The following SMG6 variants were observed in gnomAD, a reference collection of about 807,000 sequenced individuals.
SMG6 encodes the protein telomerase-binding protein EST1A.
SMG6 carries 66 observed loss-of-function variants against 142.2 expected under a neutral mutation model. The observed-to-expected ratio is 0.46, with a 90% CI of 0.38 to 0.57. The LOEUF (loss-of-function observed/expected upper bound fraction) is 0.57, where lower values mean the gene tolerates loss of function less well. Ranked by LOEUF, SMG6 falls within the 20% of genes least tolerant of loss-of-function variation. SMG6 has a pLI of 0.00. For synonymous variants in SMG6, 779 were observed against 702.4 expected (o/e 1.11, Z -1.72); for missense variants, 1,793 against 1,832.0 (o/e 0.98, Z 0.39).
At position 2,244,644 on chromosome 17, in the gene SMG6, T is replaced by C. The variant is rs2073888933; in HGVS notation, c.2723+14A>G. 1 of 1,601,564 alleles carries C rather than the reference T, an allele frequency of 6.2e-7. No individual in the cohort carries two copies. Among genetic ancestry groups the C allele is most frequent in the South Asian group, 1.1e-5 (1 of 90,774 alleles). ...GTAATGTAGGAAAATAAAATAAACA[T>C]CCTGCACACTTACCCAATCCGGGTA... On this transcript the variant is annotated intron_variant, in intron 9 of 18. Coordinates refer to ENST00000263073, the MANE Select transcript of SMG6 (RefSeq NM_017575.5).
intron 13 of SMG6, among the ~76,000 whole-genome samples, chr17:2,131,382 G>A (rs1275788412): frequency 2.6e-5 from 4 of 151,494 alleles, no homozygotes; most frequent in Non-Finnish European, 5.9e-5. Context: ...TGCAACCTCC[G>A]CCTCCCGGGT....
At chr17:2,215,437 A>C (rs560044384) in intron 10 of SMG6, 23 of 152,208 alleles carry the variant, frequency 1.5e-4, no homozygotes, top group Non-Finnish European at 3.2e-4. Context: ...CTCATTGATA[A>C]GAGGAAACGA....
chr17:2,197,967 T>C (rs1431504184), intron 10 of SMG6, among the ~76,000 whole-genome samples: 3 of 152,210 alleles, frequency 2.0e-5, no homozygotes, highest in East Asian at 3.8e-4. Context: ...GATCCAGCAA[T>C]TGAACTCTGG....
At chr17:2,194,768 T>C (rs1194508051) in intron 10 of SMG6, among the ~76,000 whole-genome samples, 1 of 149,168 alleles carries the variant, frequency 6.7e-6, no homozygotes, top group Non-Finnish European at 1.5e-5. Context: ...GTTGAGGGGG[T>C]ACGTAGGGGT....
At position 2,065,138 on chromosome 17, in the gene SMG6, A is replaced by C; in HGVS notation, c.4064T>G (p.Leu1355Arg). ...GTAGTGGAGGCAGCAGGACAGGATG[A>C]GATCATCGTTGTTACCCTGGAGGAA... ...ITGQLGNNDD[L>R]ILSCCLHYCK... Residue 1355 changes from leucine (L) to arginine (R), a missense_variant, in exon 18 of 19, where the codon CTC (leucine) becomes CGC (arginine). This residue lies in a region of SMG6 where 179 missense variants were observed against 212.6 expected (regional missense o/e 0.84). Coordinates refer to ENST00000263073, the MANE Select transcript of SMG6 (RefSeq NM_017575.5). 1 of 1,613,692 alleles carries C rather than the reference A, an allele frequency of 6.2e-7. No homozygotes were observed. Among genetic ancestry groups the C allele is most frequent in the Non-Finnish European group, 8.5e-7 (1 of 1,179,706 alleles).
chr17:2,251,567 T>C (rs937119502), intron 8 of SMG6, among the ~76,000 whole-genome samples: 1 of 152,238 alleles, frequency 6.6e-6, no homozygotes, highest in African/African-American at 2.4e-5. Context: ...CTTTTAAAAC[T>C]ACCTCTTCCA....
At chr17:2,201,771 C>T (rs750675263) in intron 10 of SMG6, among the ~76,000 whole-genome samples, 8 of 151,884 alleles carry the variant, frequency 5.3e-5, no homozygotes, top group Non-Finnish European at 8.8e-5. Flanking sequence ...TGGCTGTAAT[C>T]TCAGCACTTT....
chr17:2,205,422 T>C (rs931024681), intron 10 of SMG6, among the ~76,000 whole-genome samples: 2 of 152,194 alleles, frequency 1.3e-5, no homozygotes, highest in African/African-American at 4.8e-5. Context: ...TTTTTTATAT[T>C]TACTCTTTTA....
intron 10 of SMG6, among the ~76,000 whole-genome samples, chr17:2,224,000 C>T (rs1309489821): frequency 1.3e-5 from 2 of 152,108 alleles, no homozygotes; most frequent in African/African-American, 2.4e-5. Flanking sequence ...TCTGGTAGTA[C>T]GGCAGACTAG....
chr17:2,126,696 A>T (rs910133313), intron 13 of SMG6, among the ~76,000 whole-genome samples: 1 of 151,034 alleles, frequency 6.6e-6, no homozygotes, highest in Non-Finnish European at 1.5e-5. Context: ...GGCCTGGGCA[A>T]CAGAGTGAGG....
intron 6 of SMG6, among the ~76,000 whole-genome samples, chr17:2,291,728 C>T (rs2075040944): frequency 1.1e-5 from 1 of 94,694 alleles, no homozygotes; most frequent in Admixed American, 1.1e-4. Flanking sequence ...ACTTGTCATC[C>T]GGGTGCAGCA....
At chr17:2,102,339 T>C (rs1015327173) in intron 13 of SMG6, among the ~76,000 whole-genome samples, 2 of 152,006 alleles carry the variant, frequency 1.3e-5, no homozygotes, top group South Asian at 2.1e-4. Context: ...GGTGAGAAAA[T>C]TTGAAATTTA....
intron 18 of SMG6, among the ~76,000 whole-genome samples, chr17:2,064,059 G>T (rs539880504): frequency 3.3e-5 from 5 of 152,284 alleles, no homozygotes; most frequent in Admixed American, 2.0e-4. Context: ...AGGAGTGAGG[G>T]GCTGTGTCTG....
intron 8 of SMG6, among the ~76,000 whole-genome samples, chr17:2,269,502 C>T (rs1028514905): frequency 2.6e-5 from 4 of 151,480 alleles, no homozygotes; most frequent in Admixed American, 2.6e-4. Context: ...ACAAGTTGAG[C>T]ATGTGGTGAA....
chr17:2,088,255 C>A, intron 13 of SMG6: 3 of 985,350 alleles, frequency 3.0e-6, no homozygotes, highest in Non-Finnish European at 3.6e-6. Context: ...TGGTTTCTGG[C>A]CGACAGGGAG....
chr17:2,065,675 G>C lies in SMG6; in HGVS notation c.3840C>G (p.Ile1280Met). Reference protein sequence around the residue: ...KYILVVPLIVINELDGLAKGQ... With the variant: ...KYILVVPLIVMNELDGLAKGQ... ...CCTTGGCCAGGCCGTCCAGCTCATT[G>C]ATCACTGATGAGATAGAGCCCCACA... is the stretch of plus-strand genomic sequence containing the variant. Residue 1280 changes from isoleucine (I) to methionine (M), a missense_variant, in exon 17 of 19, where the codon ATC (isoleucine) becomes ATG (methionine). Physicochemically the swap from Ile to Met is conservative, Grantham distance 10. This residue lies in a region of SMG6 where 179 missense variants were observed against 212.6 expected (regional missense o/e 0.84). Coordinates refer to ENST00000263073, the MANE Select transcript of SMG6 (RefSeq NM_017575.5). 1 of 1,611,592 alleles carries C rather than the reference G, an allele frequency of 6.2e-7. No homozygotes were observed. Among genetic ancestry groups the C allele is most frequent in the South Asian group, 1.1e-5 (1 of 91,034 alleles).
intron 13 of SMG6, among the ~76,000 whole-genome samples, chr17:2,120,600 G>T (rs924042363): frequency 2.0e-5 from 3 of 152,176 alleles, no homozygotes; most frequent in African/African-American, 7.2e-5. Flanking sequence ...GCACACACCT[G>T]TAGTCTCAGC....
At chr17:2,290,899 A>G (rs2075016326) in intron 6 of SMG6, among the ~76,000 whole-genome samples, 1 of 152,258 alleles carries the variant, frequency 6.6e-6, no homozygotes, top group Non-Finnish European at 1.5e-5. Flanking sequence ...AAAGTCATAC[A>G]TTATATGATC....
chr17:2,301,883 A>C (rs946615812), intron 1 of SMG6, among the ~76,000 whole-genome samples: 16 of 152,174 alleles, frequency 1.1e-4, no homozygotes, highest in Admixed American at 6.5e-4. Flanking sequence ...ATCAAAAGTA[A>C]CCACTAAACA....
Sources: gnomAD v4.1 joint callset for allele counts (sites outside exome capture counted in the v4.1 genomes callset) on GRCh38, gnomAD v4.1.1 for gene constraint, gnomAD v4.1.1 regional missense constraint, MANE v1.5 for transcripts, NCBI Gene and HGNC (gene_info 2026-07-23, HGNC 2026-07-21) for gene names.